Variants in ROBO2 observed in about 807,000 individuals in gnomAD.
ROBO2 encodes roundabout guidance receptor 2.
A neutral mutation model predicts 160.8 loss-of-function variants in ROBO2; 53 were observed. That is an observed-to-expected ratio of 0.33 (90% CI 0.26 to 0.41). The LOEUF is 0.41. Ranked by LOEUF, ROBO2 falls within the 10% of genes least tolerant of loss-of-function variation. ROBO2 has a pLI of 1.00. For missense variants in ROBO2, 1,577 were observed against 1,722.4 expected (o/e 0.92, Z 1.49); for synonymous variants, 664 against 611.7 (o/e 1.09, Z -1.26).
chr3:76,831,498 T>G (rs1198314457), intron 2 of ROBO2, among the ~76,000 whole-genome samples: 1 of 152,172 alleles, frequency 6.6e-6, no homozygotes, highest in Admixed American at 6.6e-5. Context: ...AAGTGTGTCT[T>G]CTAAAGAGAA....
At chr3:76,301,746 G>C (rs1709369457) in intron 2 of ROBO2, among the ~76,000 whole-genome samples, 1 of 152,058 alleles carries the variant, frequency 6.6e-6, no homozygotes, top group Non-Finnish European at 1.5e-5. Flanking sequence ...CACAAACCCA[G>C]AATTTTAGCT....
intron 2 of ROBO2, among the ~76,000 whole-genome samples, chr3:77,028,753 C>A (rs1310761505): frequency 6.6e-6 from 1 of 152,076 alleles, no homozygotes; most frequent in Non-Finnish European, 1.5e-5. Context: ...TCTCATTTAC[C>A]TTTTTCCTGG....
intron 2 of ROBO2, among the ~76,000 whole-genome samples, chr3:76,036,427 G>A (rs1055262188): frequency 1.3e-5 from 2 of 151,862 alleles, no homozygotes. Flanking sequence ...TGGGATTACA[G>A]GCGTGAGCCA....
chr3:76,894,223 A>C (rs72898195), intron 2 of ROBO2, among the ~76,000 whole-genome samples: 3,831 of 152,124 alleles, frequency 0.025, 125 homozygotes, highest in African/African-American at 0.086. Context: ...GGATTCCATT[A>C]GGTGTTTGCA....
chr3:77,215,790 C>T (rs1181637175), intron 2 of ROBO2, among the ~76,000 whole-genome samples: 4 of 152,118 alleles, frequency 2.6e-5, no homozygotes, highest in Non-Finnish European at 5.9e-5. Flanking sequence ...GTTAGTTTTT[C>T]TTCTAACAGT....
intron 2 of ROBO2, among the ~76,000 whole-genome samples, chr3:77,027,890 G>T (rs917296629): frequency 6.6e-6 from 1 of 151,942 alleles, no homozygotes; most frequent in South Asian, 2.1e-4. Context: ...AAAGTGAAGC[G>T]GGTAGAAAGA....
At position 76,019,247 on chromosome 3, in the gene ROBO2, C is replaced by T. The variant is rs145772243; in HGVS notation, c.109+81645C>T. ...TGAAATTGTCTAATATTTGCGTTAT[C>T]GCCTCCCTACATGGTTAAGTTTTCT... On this transcript the variant is annotated intron_variant, in intron 2 of 26. Transcript: ENST00000487694. Among the ~76,000 whole-genome samples, 832 of 142,008 alleles carry T rather than the reference C, an allele frequency of 5.9e-3. 12 individuals are homozygous for T. The highest frequency in any genetic ancestry group is 0.021 in the African/African-American group (799 of 37,966). 93.2% of individuals were successfully genotyped at this position (142,008 alleles called of 152,430 possible).
intron 2 of ROBO2, among the ~76,000 whole-genome samples, chr3:77,446,837 A>G (rs992533388): frequency 6.6e-6 from 1 of 152,092 alleles, no homozygotes; most frequent in African/African-American, 2.4e-5. Flanking sequence ...GTAGAATTTT[A>G]CATGGGAAAA....
chr3:77,614,743 AACCAACCAAC>A (rs1559731460), intron 21 of ROBO2, among the ~76,000 whole-genome samples: 3 of 151,792 alleles, frequency 2.0e-5, no homozygotes, highest in African/African-American at 7.3e-5. Flanking sequence ...CCAACCAACC[AACCAACCAAC>A]CAAACAAACA....
At chr3:77,295,219 G>C (rs1212299665) in intron 2 of ROBO2, among the ~76,000 whole-genome samples, 1 of 148,754 alleles carries the variant, frequency 6.7e-6, no homozygotes, top group African/African-American at 2.5e-5. Flanking sequence ...TAAACGGTAA[G>C]CTGAGGCTAG....
chr3:77,032,695 CAG>C (rs1410915361), intron 2 of ROBO2, among the ~76,000 whole-genome samples: 3 of 152,154 alleles, frequency 2.0e-5, no homozygotes, highest in Admixed American at 6.5e-5. Flanking sequence ...AAGCATACAA[CAG>C]AGAGTGAGAT....
chr3:76,205,108 T>G (rs1183995884), intron 2 of ROBO2, among the ~76,000 whole-genome samples: 1 of 152,178 alleles, frequency 6.6e-6, no homozygotes, highest in African/African-American at 2.4e-5. Flanking sequence ...TCTTCTCTAC[T>G]TACCAACTCA....
chr3:77,459,827 T>G (rs2153570115), intron 2 of ROBO2, among the ~76,000 whole-genome samples: 1 of 151,048 alleles, frequency 6.6e-6, no homozygotes, highest in East Asian at 2.0e-4. Context: ...GCCAGCATGG[T>G]TGGGAAGGAA....
intron 2 of ROBO2, among the ~76,000 whole-genome samples, chr3:77,147,919 T>G (rs1211334662): frequency 6.6e-6 from 1 of 152,128 alleles, no homozygotes; most frequent in Non-Finnish European, 1.5e-5. Context: ...CTGTTGAATT[T>G]GGGGGATACC....
chr3:76,055,196 C>T (rs993435559), intron 2 of ROBO2, among the ~76,000 whole-genome samples: 12 of 152,040 alleles, frequency 7.9e-5, no homozygotes, highest in African/African-American at 2.4e-4. Flanking sequence ...TGGAAAAAAC[C>T]GCCTCCATGA....
At chr3:76,510,043 A>G (rs573311601) in intron 2 of ROBO2, among the ~76,000 whole-genome samples, 2 of 152,236 alleles carry the variant, frequency 1.3e-5, no homozygotes, top group South Asian at 4.1e-4. Context: ...CTAAACAAGC[A>G]CACCCACAAA....
chr3:77,316,952 G>T (rs376190838), intron 2 of ROBO2: 2 of 1,339,184 alleles, frequency 1.5e-6, no homozygotes, highest in African/African-American at 2.9e-5. Context: ...GTTCCGAAGC[G>T]CGTGTTACTG....
intron 2 of ROBO2, among the ~76,000 whole-genome samples, chr3:76,173,016 C>G (rs1389419111): frequency 6.6e-6 from 1 of 151,942 alleles, no homozygotes; most frequent in Non-Finnish European, 1.5e-5. Flanking sequence ...AGCATGCTGT[C>G]TCTGACCCCA....
intron 1 of ROBO2, among the ~76,000 whole-genome samples, chr3:77,050,290 T>A (rs2065085751): frequency 1.3e-5 from 2 of 151,936 alleles, no homozygotes; most frequent in African/African-American, 4.9e-5. Flanking sequence ...CTTCCTCATC[T>A]TAAGCATTTC....
Sources: gnomAD v4.1 joint callset for allele counts (sites outside exome capture counted in the v4.1 genomes callset) on GRCh38, gnomAD v4.1.1 for gene constraint, MANE v1.5 for transcripts, NCBI Gene and HGNC (gene_info 2026-07-23, HGNC 2026-07-21) for gene names.